The following STT3B variants were observed in gnomAD, a reference collection of about 807,000 sequenced individuals.
The protein encoded by STT3B is STT3 oligosaccharyltransferase complex catalytic subunit B.
In STT3B, 29 loss-of-function variants were observed where a neutral mutation model predicts 96.8. That is an observed-to-expected ratio of 0.30 (90% CI 0.22 to 0.41). STT3B has a LOEUF of 0.41. STT3B is among the 10% of genes least tolerant of loss of function. The pLI is 1.00. For missense variants in STT3B, 640 were observed against 1,022.3 expected (o/e 0.63, Z 5.10); for synonymous variants, 367 against 360.0 (o/e 1.02, Z -0.22).
intron 2 of STT3B, among the ~76,000 whole-genome samples, 153 bp downstream of exon 2, chr3:31,576,657 C>G (rs1698271257): frequency 6.6e-6 from 1 of 152,070 alleles, no homozygotes; most frequent in Non-Finnish European, 1.5e-5. Context: ...TACTTAGGCT[C>G]TTTTCTTGAT....
At chr3:31,562,687 C>G (rs1448086431) in intron 1 of STT3B, among the ~76,000 whole-genome samples, 1 of 152,168 alleles carries the variant, frequency 6.6e-6, no homozygotes, top group Admixed American at 6.5e-5. Flanking sequence ...TCTGCAGCAG[C>G]CTGCAGCCCT....
rs932583527 is a variant in STT3B at position 31,553,069 on chromosome 3, T to C, written c.314+19757T>C. Among the ~76,000 whole-genome samples, 36 of 134,784 alleles carry C rather than the reference T, an allele frequency of 2.7e-4. No individual in the cohort carries two copies. The Admixed American group carries it at 2.9e-3, about 11-fold the overall frequency. The allele number at this position is 134,784 out of a possible 152,430, so 88.4% of individuals were successfully genotyped here. A position where few individuals can be genotyped will look rare whatever the true frequency, so the allele number is the denominator to read the frequency against. ...GTGAGTCGAGATCGCGCCACTGCAC[T>C]CCAGCCTGGGCGACAGAGCGAAACT... On this transcript the variant is annotated intron_variant, in intron 1 of 15. Coordinates refer to ENST00000295770, the MANE Select transcript of STT3B (RefSeq NM_178862.3).
chr3:31,625,791 A>C (rs1218639650), intron 12 of STT3B, among the ~76,000 whole-genome samples, 163 bp from the exon 13 acceptor site: 26 of 152,260 alleles, frequency 1.7e-4, no homozygotes. Flanking sequence ...AGAGGTTCAT[A>C]AATTCCAATG....
intron 3 of STT3B, among the ~76,000 whole-genome samples, chr3:31,592,295 C>T (rs1698683799): frequency 6.6e-6 from 1 of 152,076 alleles, no homozygotes; most frequent in African/African-American, 2.4e-5. Context: ...GGATTTTCTT[C>T]CTTTTTAAGG....
chr3:31,533,294 TCCA>T lies in STT3B; in HGVS notation c.298_300del (p.His100del). On this transcript the variant is annotated inframe_deletion, in exon 1 of 16. Coordinates refer to ENST00000295770, the MANE Select transcript of STT3B (RefSeq NM_178862.3). Reference sequence around the variant, plus strand: ...GCCGTCATCCGCTTCGAAAGCATCATCCACGAGTTCGACCCGTGGTAAGTGCCT... The same window carrying T: ...GCCGTCATCCGCTTCGAAAGCATCATCGAGTTCGACCCGTGGTAAGTGCCT... The T allele has an allele frequency of 6.5e-7, 1 of 1,531,218 alleles. No individual in the cohort carries two copies. The allele number at this position is 1,531,218 out of a possible 1,614,324, so 94.9% of individuals were successfully genotyped here. A position where few individuals can be genotyped will look rare whatever the true frequency, so the allele number is the denominator to read the frequency against.
intron 1 of STT3B, among the ~76,000 whole-genome samples, chr3:31,554,138 A>G (rs1697635723): frequency 6.6e-6 from 1 of 152,220 alleles, no homozygotes; most frequent in African/African-American, 2.4e-5. Context: ...ACAGTTTGAG[A>G]TAGCACAGTG....
intron 5 of STT3B, among the ~76,000 whole-genome samples, chr3:31,603,564 G>C (rs913738080): frequency 2.0e-5 from 3 of 151,998 alleles, no homozygotes; most frequent in Non-Finnish European, 4.4e-5. Context: ...ACCTTATGTT[G>C]CATTTGTAGA....
chr3:31,580,939 GA>G (rs200979073), intron 3 of STT3B, among the ~76,000 whole-genome samples: 289 of 131,190 alleles, frequency 2.2e-3, no homozygotes, highest in Admixed American at 3.7e-3. Flanking sequence ...CAGCTGAGGA[GA>G]AAAAAAAAAA....
chr3:31,575,591 CT>C (rs1269195187), intron 1 of STT3B, among the ~76,000 whole-genome samples: 1 of 151,948 alleles, frequency 6.6e-6, no homozygotes, highest in East Asian at 1.9e-4. Flanking sequence ...TCAAACTGAT[CT>C]GGGGTATAAG....
chr3:31,629,332 G>A lies in STT3B; in HGVS notation c.2108G>A (p.Arg703His). The A allele has an allele frequency of 7.5e-6, 12 of 1,609,106 alleles. No homozygotes were observed. Among genetic ancestry groups the A allele is most frequent in the Non-Finnish European group, 1.0e-5 (12 of 1,176,694 alleles). Residue 703 changes from arginine to histidine, a missense_variant, in exon 14 of 16, where the codon CGT becomes CAT. Coordinates refer to ENST00000295770, the MANE Select transcript of STT3B (RefSeq NM_178862.3). ...SDYFTPQGEF[R>H]VDKAGSPTLL... ...TATTTTACCCCACAGGGAGAATTCCGTGTAGACAAAGCAGGATCCCCTACT... is the reference window on the plus strand; with the variant it reads ...TATTTTACCCCACAGGGAGAATTCCATGTAGACAAAGCAGGATCCCCTACT...
chr3:31,600,467 A>C lies in STT3B; in HGVS notation c.877+8A>C. ...GCAAAAGAGTCTACATAGGTAAGTA[A>C]TTTGATTTTTGACATCTGTCAACTA... On this transcript the variant is annotated splice_region_variant and intron_variant, in intron 5 of 15. Coordinates refer to ENST00000295770, the MANE Select transcript of STT3B (RefSeq NM_178862.3). The C allele has an allele frequency of 7.2e-7, 1 of 1,389,166 alleles. No individual in the cohort carries two copies. The highest frequency in any genetic ancestry group is 1.4e-5 in the African/African-American group (1 of 70,306). The allele number at this position is 1,389,166 out of a possible 1,614,324, so 86.1% of individuals were successfully genotyped here.
intron 11 of STT3B, 59 bp from the exon 12 acceptor site, chr3:31,624,853 TTA>T: frequency 7.2e-7 from 1 of 1,379,762 alleles, no homozygotes. Context: ...CCTCAAGATT[TTA>T]AGTTAGCCTC....
At chr3:31,548,050 T>A (rs1375180216) in intron 1 of STT3B, among the ~76,000 whole-genome samples, 3 of 152,176 alleles carry the variant, frequency 2.0e-5, no homozygotes, top group African/African-American at 7.2e-5. Flanking sequence ...CAAGTAATGT[T>A]TGGTCATTTA....
At chr3:31,535,986 T>C (rs945708961) in intron 1 of STT3B, among the ~76,000 whole-genome samples, 2 of 152,190 alleles carry the variant, frequency 1.3e-5, no homozygotes, top group East Asian at 3.8e-4. Flanking sequence ...TGAATGGAGA[T>C]TTGTCAGTAT....
intron 3 of STT3B, among the ~76,000 whole-genome samples, chr3:31,595,371 T>C (rs1032319488): frequency 1.3e-5 from 2 of 152,216 alleles, no homozygotes; most frequent in Non-Finnish European, 2.9e-5. Flanking sequence ...TTTCAGTTCC[T>C]TCTGAGTAGC....
chr3:31,590,284 T>TC (rs1261880007), intron 3 of STT3B, among the ~76,000 whole-genome samples: 1 of 151,948 alleles, frequency 6.6e-6, no homozygotes, highest in Non-Finnish European at 1.5e-5. Flanking sequence ...GATTTTTTTT[T>TC]CCTTTATATT....
At chr3:31,631,705 G>A (rs561816719) in intron 14 of STT3B, among the ~76,000 whole-genome samples, 12 of 152,088 alleles carry the variant, frequency 7.9e-5, no homozygotes, top group Non-Finnish European at 1.2e-4. Flanking sequence ...CCAGAACTTT[G>A]GGAGGTTAGG....
intron 3 of STT3B, among the ~76,000 whole-genome samples, chr3:31,581,144 T>C (rs1698375282): frequency 6.6e-6 from 1 of 152,162 alleles, no homozygotes; most frequent in Non-Finnish European, 1.5e-5. Context: ...AATCATACTA[T>C]GTCTGTTAAT....
At chr3:31,601,858 G>A (rs540495808) in intron 5 of STT3B, among the ~76,000 whole-genome samples, 24 of 152,128 alleles carry the variant, frequency 1.6e-4, no homozygotes, top group Non-Finnish European at 1.9e-4. Flanking sequence ...GTGAGGGTAG[G>A]TACTATTCTC....
Sources: allele counts gnomAD v4.1 joint callset (sites outside exome capture counted in the v4.1 genomes callset), GRCh38; gene constraint gnomAD v4.1.1; transcripts MANE v1.5; gene names NCBI Gene and HGNC (gene_info 2026-07-23, HGNC 2026-07-21).